Variants in GRIK2 observed in about 807,000 individuals in gnomAD.
GRIK2 encodes glutamate ionotropic receptor kainate type subunit 2.
A neutral mutation model predicts 100.3 loss-of-function variants in GRIK2; 32 were observed. The observed-to-expected ratio is 0.32, with a 90% CI of 0.24 to 0.43. The LOEUF (loss-of-function observed/expected upper bound fraction) is 0.43. Ranked by LOEUF, GRIK2 falls within the 20% of genes least tolerant of loss-of-function variation. The pLI is 1.00. For missense variants in GRIK2, 843 were observed against 1,114.9 expected (o/e 0.76, Z 3.47); for synonymous variants, 417 against 389.4 (o/e 1.07, Z -0.83).
intron 14 of GRIK2, among the ~76,000 whole-genome samples, chr6:101,994,959 T>C (rs961098417): frequency 1.9e-4 from 29 of 151,944 alleles, no homozygotes; most frequent in African/African-American, 6.3e-4. Context: ...CATCAAAATA[T>C]GTCATTTTAA....
At chr6:101,420,872 G>T (rs1776378909) in intron 2 of GRIK2, among the ~76,000 whole-genome samples, 1 of 152,038 alleles carries the variant, frequency 6.6e-6, no homozygotes, top group African/African-American at 2.4e-5. Context: ...ATGTTTAGAG[G>T]CACAATTAGA....
At chr6:101,874,646 A>G (rs1785683228) in intron 11 of GRIK2, among the ~76,000 whole-genome samples, 1 of 152,180 alleles carries the variant, frequency 6.6e-6, no homozygotes, top group Non-Finnish European at 1.5e-5. Context: ...AGTCATTGGT[A>G]GCTTGATGGG....
At chr6:101,909,373 T>TTTTTTTTG (rs1479681117) in intron 12 of GRIK2, among the ~76,000 whole-genome samples, 2 of 113,556 alleles carry the variant, frequency 1.8e-5, no homozygotes, top group East Asian at 2.8e-4. Flanking sequence ...AAGATAGGGT[T>TTTTTTTTG]TTCTTTTTCT....
chr6:101,411,345 T>A (rs1775874221), intron 2 of GRIK2, among the ~76,000 whole-genome samples: 1 of 152,118 alleles, frequency 6.6e-6, no homozygotes, highest in Admixed American at 6.5e-5. Flanking sequence ...GTTCTCAAAC[T>A]TTATATCAGA....
intron 7 of GRIK2, among the ~76,000 whole-genome samples, chr6:101,716,493 G>A (rs953964213): frequency 6.7e-6 from 1 of 150,122 alleles, no homozygotes; most frequent in African/African-American, 2.4e-5. Context: ...AGTTAAACAG[G>A]TTAAAAGAAT....
intron 7 of GRIK2, among the ~76,000 whole-genome samples, chr6:101,732,023 G>T (rs756782535): frequency 9.2e-5 from 14 of 151,914 alleles, no homozygotes; most frequent in Non-Finnish European, 1.6e-4. Flanking sequence ...AGCGTATCTT[G>T]AACATTACAA....
At chr6:101,466,882 T>C (rs1158022215) in intron 2 of GRIK2, among the ~76,000 whole-genome samples, 2 of 152,234 alleles carry the variant, frequency 1.3e-5, no homozygotes, top group Non-Finnish European at 2.9e-5. Flanking sequence ...ATTTACTTTG[T>C]GACTGATGAG....
intron 2 of GRIK2, among the ~76,000 whole-genome samples, chr6:101,598,571 C>T (rs375408445): frequency 1.7e-4 from 23 of 137,856 alleles, no homozygotes; most frequent in East Asian, 1.0e-3. Flanking sequence ...TTTTGTCTTG[C>T]TCCAGGGCTC....
chr6:101,540,688 C>A (rs1351515027), intron 2 of GRIK2, among the ~76,000 whole-genome samples: 5 of 151,978 alleles, frequency 3.3e-5, no homozygotes, highest in Non-Finnish European at 5.9e-5. Context: ...TCAAGCAGTT[C>A]TAGTTATAAG....
At chr6:101,563,885 CAAAAA>C (rs375730047) in intron 2 of GRIK2, among the ~76,000 whole-genome samples, 2 of 147,368 alleles carry the variant, frequency 1.4e-5, no homozygotes, top group African/African-American at 5.0e-5. Flanking sequence ...ATGGGAAAAA[CAAAAA>C]AAAATAAGCT....
chr6:101,610,100 T>C (rs1236233488), intron 2 of GRIK2, among the ~76,000 whole-genome samples: 1 of 151,284 alleles, frequency 6.6e-6, no homozygotes, highest in Non-Finnish European at 1.5e-5. Flanking sequence ...TAAAACAAAA[T>C]AAAATAATAA....
At chr6:101,802,715 A>C (rs1337140815) in intron 9 of GRIK2, among the ~76,000 whole-genome samples, 1 of 151,888 alleles carries the variant, frequency 6.6e-6, no homozygotes, top group Non-Finnish European at 1.5e-5. Context: ...CTTAAGGTTT[A>C]ATATAGCAAT....
chr6:101,596,319 C>T (rs947146583), intron 2 of GRIK2, among the ~76,000 whole-genome samples: 1 of 149,884 alleles, frequency 6.7e-6, no homozygotes, highest in African/African-American at 2.5e-5. Flanking sequence ...TCTTTGCTAA[C>T]AACCATCACC....
chr6:101,996,569 G>A (rs919490536), intron 14 of GRIK2, among the ~76,000 whole-genome samples: 1 of 152,036 alleles, frequency 6.6e-6, no homozygotes, highest in Non-Finnish European at 1.5e-5. Context: ...TAAACAAAAT[G>A]GACAAAATGT....
chr6:101,990,487 T>G (rs778226281), intron 14 of GRIK2, among the ~76,000 whole-genome samples: 3 of 151,660 alleles, frequency 2.0e-5, no homozygotes, highest in Non-Finnish European at 4.4e-5. Flanking sequence ...AACTAATGAA[T>G]GAACCTCATC....
intron 4 of GRIK2, among the ~76,000 whole-genome samples, chr6:101,672,620 G>A (rs1770526617): frequency 6.6e-6 from 1 of 151,834 alleles, no homozygotes; most frequent in South Asian, 2.1e-4. Context: ...ACATGTGCAG[G>A]TTTGTTACAT....
chr6:102,056,679 T>A (rs988546052), intron 16 of GRIK2, among the ~76,000 whole-genome samples: 2 of 151,956 alleles, frequency 1.3e-5, no homozygotes, highest in Admixed American at 6.6e-5. Flanking sequence ...TCTAATATTC[T>A]TTGAAGTGTT....
chr6:101,775,248 C>T (rs936200132), intron 7 of GRIK2, among the ~76,000 whole-genome samples: 1 of 152,160 alleles, frequency 6.6e-6, no homozygotes, highest in East Asian at 1.9e-4. Context: ...AGCCAGAGAG[C>T]ACTGGTTTGG....
chr6:101,603,171 C>G (rs899247298), intron 2 of GRIK2, among the ~76,000 whole-genome samples: 7 of 81,106 alleles, frequency 8.6e-5, no homozygotes, highest in African/African-American at 4.0e-4. Context: ...TAAAATAGAC[C>G]TAAGAGAGTA....
Sources: gnomAD v4.1 joint callset for allele counts (sites outside exome capture counted in the v4.1 genomes callset) on GRCh38, gnomAD v4.1.1 for gene constraint, MANE v1.5 for transcripts, NCBI Gene and HGNC (gene_info 2026-07-23, HGNC 2026-07-21) for gene names.